Variants in SETD1A observed in about 807,000 individuals in gnomAD.
The protein encoded by SETD1A is histone-lysine N-methyltransferase SETD1A.
SETD1A carries 29 observed loss-of-function variants against 149.9 expected under a neutral mutation model. The observed-to-expected ratio is 0.19, with a 90% confidence interval of 0.14 to 0.26. The LOEUF (loss-of-function observed/expected upper bound fraction) is 0.26. SETD1A is among the 10% of genes least tolerant of loss of function. SETD1A has a pLI of 1.00. For missense variants in SETD1A, 2,109 were observed against 2,353.1 expected (o/e 0.90, Z 2.15); for synonymous variants, 1,141 against 968.5 (o/e 1.18, Z -3.31).
intron 17 of SETD1A, among the ~76,000 whole-genome samples, chr16:30,982,478 G>A (rs1446475050): frequency 6.6e-5 from 10 of 151,470 alleles, no homozygotes; most frequent in Admixed American, 3.3e-4. Context: ...TCCAGCCTGG[G>A]CGACAGAGCA....
rs562368739 is a variant in SETD1A at position 30,958,708 on chromosome 16, C to A, written c.-15-9C>A. ...TGATCCTTCTTGCGTGTCCCTCTTC[C>A]CCTAACAGTGTAAATGAGCAAAGAT... On this transcript the variant is annotated splice_polypyrimidine_tract_variant and intron_variant, in intron 1 of 18. Transcript: ENST00000262519. The A allele has an allele frequency of 2.5e-6, 4 of 1,613,378 alleles. No homozygotes were observed. In the Admixed American group the frequency reaches 5.0e-5, roughly 20 times the overall value.
Position 30,984,171 on chromosome 16 carries a change from C to T in SETD1A, c.*148C>T. The T allele has an allele frequency of 1.5e-6, 1 of 659,250 alleles. No homozygotes were observed. The highest frequency in any genetic ancestry group is 2.5e-6 in the Non-Finnish European group (1 of 394,594). The allele number at this position is 659,250 out of a possible 1,614,324, so 40.8% of individuals were successfully genotyped here. ...GGGGGCCCCAAGCCCAGCGAGGGAG[C>T]CTCAGTCCCTGGAGGCAGCTTCTGC... On this transcript the variant is annotated 3_prime_UTR_variant, in exon 19 of 19. Coordinates refer to ENST00000262519, the MANE Select transcript of SETD1A (RefSeq NM_014712.3).
At position 30,971,323 on chromosome 16, in the gene SETD1A, G is replaced by A. The variant is rs1026924258; in HGVS notation, c.3017-55G>A. On this transcript the variant is annotated intron_variant, in intron 12 of 18. Coordinates refer to ENST00000262519, the MANE Select transcript of SETD1A (RefSeq NM_014712.3). ...AGCAGGGAGTGAGTGAGGAGCCCAC[G>A]GCTGGCCAAGTGAGGTCTGCCCACC... 9.2e-6 allele frequency: 14 copies of A among 1,521,496 alleles called. No homozygotes were observed. In the South Asian group the frequency reaches 1.1e-4, roughly 12 times the overall value. 94.2% of individuals were successfully genotyped at this position (1,521,496 alleles called of 1,614,324 possible). A position where few individuals can be genotyped will look rare whatever the true frequency, so the allele number is the denominator to read the frequency against.
Position 30,980,409 on chromosome 16 carries a change from CG to C in SETD1A, c.4409-75del. 6.5e-7 allele frequency: 1 copy of C among 1,530,220 alleles called. No individual in the cohort carries two copies. The highest frequency in any genetic ancestry group is 1.9e-5 in the Admixed American group (1 of 51,292). The allele number at this position is 1,530,220 out of a possible 1,614,324, so 94.8% of individuals were successfully genotyped here. A position where few individuals can be genotyped will look rare whatever the true frequency, so the allele number is the denominator to read the frequency against. Reference sequence around the variant, plus strand: ...TCCCTCACCTGGGTATGCTCAGCGGCGTGGGCCCCGCCCTCTCCTTTGGCTG... The same window carrying C: ...TCCCTCACCTGGGTATGCTCAGCGGCTGGGCCCCGCCCTCTCCTTTGGCTG... On this transcript the variant is annotated intron_variant, in intron 14 of 18. Transcript: ENST00000262519. The surrounding 1 kb of genome is among the most constrained non-coding windows in gnomAD (Gnocchi z 7.7).
At position 30,979,165 on chromosome 16, in the gene SETD1A, C is replaced by T. The variant is rs1367778154; in HGVS notation, c.3379C>T (p.Pro1127Ser). Reference protein sequence around the residue: ...RPAGPTEESPPSAPLRPPEPP... With the variant: ...RPAGPTEESPSSAPLRPPEPP... ...CCCAGGCCCCACGGAGGAGTCACCC[C>T]CCAGTGCGCCTCTGCGTCCCCCAGA... is the stretch of plus-strand genomic sequence containing the variant. The change falls in exon 14 of 19, where the codon CCC becomes TCC. Residue 1127 changes from proline to serine, a missense_variant. Transcript: ENST00000262519. 4 of 1,576,262 alleles carry T rather than the reference C, an allele frequency of 2.5e-6. No homozygotes were observed. Among genetic ancestry groups the T allele is most frequent in the Non-Finnish European group, 8.6e-7 (1 of 1,161,522 alleles).
intron 13 of SETD1A, among the ~76,000 whole-genome samples, chr16:30,975,039 C>T (rs1350480970): frequency 1.3e-5 from 2 of 151,728 alleles, no homozygotes; most frequent in Non-Finnish European, 2.9e-5. Flanking sequence ...CCCAGCTACT[C>T]GGGAGGCTGA....
intron 11 of SETD1A, 36 bp from the exon 12 acceptor site, chr16:30,969,566 C>G: frequency 6.2e-7 from 1 of 1,606,320 alleles, no homozygotes; most frequent in Admixed American, 1.7e-5. Flanking sequence ...CCAGTTGTCC[C>G]CTTCCTGTTA....
rs536624751 is a variant in SETD1A, at chr16:30,978,933, G to A, written c.3359-212G>A. 7.9e-4 allele frequency among the ~76,000 whole-genome samples: 121 copies of A among 152,336 alleles called. 1 individual carries two copies. Among genetic ancestry groups the A allele is most frequent in the African/African-American group, 2.9e-3 (119 of 41,574 alleles). ...TGTGGACTCCGAGTGTCCCACACACGTGTCACAGCGGGAACGAATGGGTGG... is the reference window on the plus strand; with the variant it reads ...TGTGGACTCCGAGTGTCCCACACACATGTCACAGCGGGAACGAATGGGTGG... On this transcript the variant is annotated intron_variant, in intron 13 of 18. Coordinates refer to ENST00000262519, the MANE Select transcript of SETD1A (RefSeq NM_014712.3).
In SETD1A at chr16:30,984,119, C is replaced by CTA; in HGVS notation, c.*96_*97insTA. Reference sequence around the variant, plus strand: ...GCCTTAGTGGGCTCAGCAGGGCCCACATGCCCCCATCTCCAAGCGTGGGGT... The same window carrying CTA: ...GCCTTAGTGGGCTCAGCAGGGCCCACTAATGCCCCCATCTCCAAGCGTGGGGT... On this transcript the variant is annotated 3_prime_UTR_variant, in exon 19 of 19. Transcript: ENST00000262519. 3 of 1,175,274 alleles carry CTA rather than the reference C, an allele frequency of 2.6e-6. No homozygotes were observed. Among genetic ancestry groups the CTA allele is most frequent in the South Asian group, 1.6e-5 (1 of 63,692 alleles). 72.8% of individuals were successfully genotyped at this position (1,175,274 alleles called of 1,614,324 possible).
intron 11 of SETD1A, 55 bp from the exon 12 acceptor site, chr16:30,969,547 G>A: frequency 6.2e-7 from 1 of 1,601,982 alleles, no homozygotes; most frequent in South Asian, 1.1e-5. Context: ...AGCTGTGCCT[G>A]GTGTAGGACC....
At position 30,964,782 on chromosome 16, in the gene SETD1A, C is replaced by T. The variant is rs1238019871; in HGVS notation, c.1040C>T (p.Ser347Phe). Reference protein sequence around the residue: ...SSASSSSLSSSSSSSSSSSSS... With the variant: ...SSASSSSLSSFSSSSSSSSSS... ...GCCTCTTCCTCCTCATTGTCCTCGT[C>T]CTCCTCGTCATCCTCTTCCTCCTCG... The change falls in exon 7 of 19, where the codon TCC becomes TTC. Residue 347 changes from serine (S) to phenylalanine (F), a missense_variant. Transcript: ENST00000262519. 6.2e-7 allele frequency: 1 copy of T among 1,614,014 alleles called. No individual in the cohort carries two copies. Among genetic ancestry groups the T allele is most frequent in the Non-Finnish European group, 8.5e-7 (1 of 1,180,016 alleles).
Position 30,976,354 on chromosome 16 carries a change from C to T in SETD1A, c.3359-2791C>T, listed in dbSNP as rs563851373. Among the ~76,000 whole-genome samples the T allele has an allele frequency of 2.8e-4, 42 of 152,294 alleles. No individual in the cohort carries two copies. The South Asian group carries it at 6.8e-3, about 25-fold the overall frequency. On this transcript the variant is annotated intron_variant, in intron 13 of 18. Transcript: ENST00000262519. ...AGTAAACAGTGATTGTGCCGCTGCACTGTATCCTGGAGACAGAGCAAGCCT... is the reference window on the plus strand; with the variant it reads ...AGTAAACAGTGATTGTGCCGCTGCATTGTATCCTGGAGACAGAGCAAGCCT...
intron 17 of SETD1A, 131 bp downstream of exon 17, chr16:30,981,311 C>A: frequency 8.4e-7 from 1 of 1,189,040 alleles, no homozygotes; most frequent in Non-Finnish European, 1.2e-6. Flanking sequence ...GTGAGACCAG[C>A]CTCCCTCCGG....
At chr16:30,976,509 G>C (rs2056286737) in intron 13 of SETD1A, among the ~76,000 whole-genome samples, 1 of 152,126 alleles carries the variant, frequency 6.6e-6, no homozygotes, top group Non-Finnish European at 1.5e-5. Flanking sequence ...GGCTGTGCTG[G>C]GACAGGAGAG....
chr16:30,968,418 A>G (rs2056177995), intron 10 of SETD1A, among the ~76,000 whole-genome samples: 1 of 25,196 alleles, frequency 4.0e-5, no homozygotes, highest in South Asian at 2.7e-3. Flanking sequence ...AAAAAAAAAT[A>G]CATATATATA....
Position 30,984,008 on chromosome 16 carries a change from G to C in SETD1A, c.5109G>C (p.Arg1703=), listed in dbSNP as rs1320250365. ...IPCLCGTESC[R]GSLN is the part of the protein sequence containing the mutation. ...GTCTGTGTGGCACAGAGAGCTGCCGGGGCTCCCTAAACTGAGGTGGGGCAG... is the reference window on the plus strand; with the variant it reads ...GTCTGTGTGGCACAGAGAGCTGCCGCGGCTCCCTAAACTGAGGTGGGGCAG... Residue 1703 remains arginine, a synonymous_variant, in exon 19 of 19, where the codon CGG becomes CGC. Coordinates refer to ENST00000262519, the MANE Select transcript of SETD1A (RefSeq NM_014712.3). 6.2e-7 allele frequency: 1 copy of C among 1,613,188 alleles called. No homozygotes were observed. The highest frequency in any genetic ancestry group is 1.7e-5 in the Admixed American group (1 of 59,952).
Position 30,963,497 on chromosome 16 carries a change from C to T in SETD1A, c.582C>T (p.Pro194=), listed in dbSNP as rs1157388063. ...VNGSYTPQTV[P]TGGKALSEKF... ...GCTCCTACACCCCTCAGACTGTGCC[C>T]ACTGGGGGCAAGGCCCTGAGTGAGA... Residue 194 remains proline (P), a synonymous_variant, in exon 5 of 19, where the codon CCC becomes CCT. Transcript: ENST00000262519. The T allele has an allele frequency of 6.2e-7, 1 of 1,613,632 alleles. No individual in the cohort carries two copies. Among genetic ancestry groups the T allele is most frequent in the Non-Finnish European group, 8.5e-7 (1 of 1,179,708 alleles).
chr16:30,972,292 C>T (rs2056234736), intron 13 of SETD1A, among the ~76,000 whole-genome samples: 2 of 152,208 alleles, frequency 1.3e-5, no homozygotes, highest in South Asian at 2.1e-4. Flanking sequence ...GCAGTGTTCT[C>T]ACTCTCATCA....
At chr16:30,960,016 A>G (rs1303885999) in intron 3 of SETD1A, among the ~76,000 whole-genome samples, 3 of 152,180 alleles carry the variant, frequency 2.0e-5, no homozygotes, top group Non-Finnish European at 4.4e-5. Flanking sequence ...ACTCAGCTGT[A>G]CAGCCTGGCA....
Sources: allele counts gnomAD v4.1 joint callset (sites outside exome capture counted in the v4.1 genomes callset), GRCh38; gene constraint gnomAD v4.1.1; non-coding constraint Gnocchi (gnomAD v3.1); transcripts MANE v1.5; gene names NCBI Gene and HGNC (gene_info 2026-07-23, HGNC 2026-07-21).